HSD17B4: variants seen among roughly 807,000 people sequenced by gnomAD.
HSD17B4 encodes hydroxysteroid 17-beta dehydrogenase 4.
In HSD17B4, 70 loss-of-function variants were observed where a neutral mutation model predicts 101.0. That is an observed-to-expected ratio of 0.69 (90% confidence interval 0.57 to 0.85). HSD17B4 has a LOEUF of 0.85. HSD17B4 is among the 40% of genes least tolerant of loss of function. HSD17B4 has a pLI of 0.00. For synonymous variants in HSD17B4, 347 were observed against 297.1 expected (o/e 1.17, Z -1.73); for missense variants, 984 against 892.4 (o/e 1.10, Z -1.31).
intron 15 of HSD17B4, among the ~76,000 whole-genome samples, chr5:119,507,796 A>AG (rs1751797837): frequency 6.6e-6 from 1 of 151,852 alleles, no homozygotes; most frequent in East Asian, 1.9e-4. Context: ...AAAAAAAAAA[A>AG]AATTTGTACA....
chr5:119,523,890 A>G (rs1343937768), intron 17 of HSD17B4, among the ~76,000 whole-genome samples: 1 of 152,148 alleles, frequency 6.6e-6, no homozygotes, highest in Non-Finnish European at 1.5e-5. Context: ...AAACTTGCCC[A>G]TTAATGGTAG....
chr5:119,455,562 C>CTATATA (rs1348182779), intron 1 of HSD17B4, among the ~76,000 whole-genome samples: 60 of 131,568 alleles, frequency 4.6e-4, no homozygotes, highest in African/African-American at 1.6e-3. Context: ...CTCTCTCTCT[C>CTATATA]TCTCTCTATA....
In HSD17B4 at chr5:119,531,392, G is replaced by A; in HGVS notation, c.1981G>A (p.Gly661Arg). 6 of 1,612,972 alleles carry A rather than the reference G, an allele frequency of 3.7e-6. No homozygotes were observed. The highest frequency in any genetic ancestry group is 5.1e-6 in the Non-Finnish European group (6 of 1,179,136). The change falls in exon 22 of 24, where the codon GGG becomes AGG. Residue 661 changes from glycine (G) to arginine (R), a missense_variant. Coordinates refer to ENST00000510025, the MANE Select transcript of HSD17B4 (RefSeq NM_000414.4). ...GCATATAACCAAAGGCGGAAATATT[G>A]GGGCTAAGTGGAGTAAGTTATAGCC... ...EWHITKGGNI[G>R]AKWTIDLKSG...
In HSD17B4 at chr5:119,480,944, C is replaced by T. The variant is rs192798841; in HGVS notation, c.622+1923C>T. Among the ~76,000 whole-genome samples, 225 of 152,292 alleles carry T rather than the reference C, an allele frequency of 1.5e-3. 1 individual carries two copies. Among genetic ancestry groups the T allele is most frequent in the African/African-American group, 5.2e-3 (217 of 41,570 alleles). ...GGCTCTGTTCTGCTCGGCTCACCAGCGGTCAGAGTTTAAGGTTATCTCTCT... is the reference window on the plus strand; with the variant it reads ...GGCTCTGTTCTGCTCGGCTCACCAGTGGTCAGAGTTTAAGGTTATCTCTCT... On this transcript the variant is annotated intron_variant, in intron 8 of 23. Transcript: ENST00000510025.
intron 23 of HSD17B4, among the ~76,000 whole-genome samples, chr5:119,539,819 A>G (rs1236255461): frequency 1.3e-5 from 2 of 150,846 alleles, no homozygotes; most frequent in African/African-American, 2.4e-5. Context: ...GCCAGGGACA[A>G]TGTCTCGTGC....
intron 2 of HSD17B4, among the ~76,000 whole-genome samples, chr5:119,462,337 T>C (rs1414173973): frequency 7.0e-6 from 1 of 143,658 alleles, no homozygotes; most frequent in African/African-American, 2.6e-5. Flanking sequence ...TTAACACATT[T>C]GAGGAGCAGA....
chr5:119,461,918 T>C (rs949226055), intron 2 of HSD17B4, among the ~76,000 whole-genome samples: 2 of 152,166 alleles, frequency 1.3e-5, no homozygotes, highest in African/African-American at 4.8e-5. Flanking sequence ...TATTCGTACA[T>C]TCCCAATATA....
intron 18 of HSD17B4, 183 bp from the exon 19 acceptor site, chr5:119,525,733 TC>T: frequency 1.7e-6 from 1 of 582,850 alleles, no homozygotes. Context: ...TTTCTTTCTT[TC>T]TTTATTTCAT....
chr5:119,496,871 A>G (rs1750695726), intron 12 of HSD17B4, among the ~76,000 whole-genome samples: 1 of 152,234 alleles, frequency 6.6e-6, no homozygotes, highest in African/African-American at 2.4e-5. Flanking sequence ...CCTGATTTCA[A>G]CATACAGAGT....
At chr5:119,466,352 C>G (rs796890410) in intron 2 of HSD17B4, among the ~76,000 whole-genome samples, 7 of 152,216 alleles carry the variant, frequency 4.6e-5, no homozygotes, top group African/African-American at 1.7e-4. Flanking sequence ...GTTCCCTCCC[C>G]CTTCAATTTT....
chr5:119,525,728 T>TTTTTTTTTTTTTTTTTTTTA, intron 18 of HSD17B4, 189 bp from the exon 19 acceptor site: 1 of 576,660 alleles, frequency 1.7e-6, no homozygotes, highest in Non-Finnish European at 3.1e-6. Flanking sequence ...TTTTTTTTCT[T>TTTTTTTTTTTTTTTTTTTTA]TCTTTCTTTA....
intron 2 of HSD17B4, among the ~76,000 whole-genome samples, chr5:119,470,170 C>A (rs779741522): frequency 4.0e-5 from 6 of 151,786 alleles, no homozygotes; most frequent in Non-Finnish European, 7.4e-5. Flanking sequence ...CTGGTGGCAG[C>A]GTCCCCATTG....
chr5:119,476,031 A>G (rs1748551925), intron 6 of HSD17B4, among the ~76,000 whole-genome samples, 161 bp downstream of exon 6: 1 of 152,232 alleles, frequency 6.6e-6, no homozygotes, highest in African/African-American at 2.4e-5. Flanking sequence ...AATAGTTAGA[A>G]GTAGCCTCTT....
At chr5:119,488,738 G>A (rs954804141) in intron 8 of HSD17B4, among the ~76,000 whole-genome samples, 1 of 152,046 alleles carries the variant, frequency 6.6e-6, no homozygotes, top group African/African-American at 2.4e-5. Context: ...GCCTACCCTG[G>A]TGGTCTAGTG....
At chr5:119,455,583 T>TATAA (rs977188974) in intron 1 of HSD17B4, among the ~76,000 whole-genome samples, 3 of 150,596 alleles carry the variant, frequency 2.0e-5, no homozygotes, top group Admixed American at 6.6e-5. Flanking sequence ...TATATATATA[T>TATAA]AATTTCTTTT....
chr5:119,526,059 T>A, intron 19 of HSD17B4, 36 bp downstream of exon 19: 3 of 1,126,244 alleles, frequency 2.7e-6, no homozygotes, highest in Non-Finnish European at 4.1e-6. Flanking sequence ...GAATATTACT[T>A]CCTTTTTCTA....
In HSD17B4 at chr5:119,525,052, A is replaced by G. The variant is rs558710357; in HGVS notation, c.1504-164A>G. Among the ~76,000 whole-genome samples the G allele has an allele frequency of 2.0e-5, 3 of 152,212 alleles. No homozygotes were observed. In the South Asian group the frequency reaches 6.2e-4, roughly 32 times the overall value. ...GTGGCAAGTGTTAAAAAAACATTTC[A>G]TTATAGGTAATCTTTATTGTTAAAA... On this transcript the variant is annotated intron_variant, in intron 17 of 23. Coordinates refer to ENST00000510025, the MANE Select transcript of HSD17B4 (RefSeq NM_000414.4).
At chr5:119,508,124 T>C (rs1751828664) in intron 15 of HSD17B4, among the ~76,000 whole-genome samples, 1 of 152,108 alleles carries the variant, frequency 6.6e-6, no homozygotes, top group Admixed American at 6.5e-5. Context: ...CTTTCTCTTC[T>C]CTTTTTAGGT....
chr5:119,534,135 A>G (rs1754348901), intron 22 of HSD17B4, among the ~76,000 whole-genome samples: 1 of 152,052 alleles, frequency 6.6e-6, no homozygotes, highest in Non-Finnish European at 1.5e-5. Context: ...AGCATTGAGC[A>G]GTTTGGTTGT....
Sources: allele counts gnomAD v4.1 joint callset (sites outside exome capture counted in the v4.1 genomes callset), GRCh38; gene constraint gnomAD v4.1.1; transcripts MANE v1.5; gene names NCBI Gene and HGNC (gene_info 2026-07-23, HGNC 2026-07-21).